The following POU2F1 variants were observed in gnomAD, a reference collection of about 807,000 sequenced individuals.
POU2F1 encodes POU class 2 homeobox 1, also known as POU domain, class 2, transcription factor 1.
Under a neutral mutation model 84.9 loss-of-function variants are expected in POU2F1, and 16 were observed. That is an observed-to-expected ratio of 0.19 (90% CI 0.13 to 0.29). POU2F1 has a LOEUF of 0.29. Among genes scored for constraint, POU2F1 ranks in the 10% least tolerant of loss-of-function variants. The pLI is 1.00. For synonymous variants in POU2F1, 368 were observed against 368.3 expected, an observed-to-expected ratio of 1.00 and a Z score of 0.01; for missense variants, 738 against 942.6, an observed-to-expected ratio of 0.78 and a Z score of 2.84.
At chr1:167,351,949 G>C (rs1220893884) in intron 2 of POU2F1, among the ~76,000 whole-genome samples, 1 of 152,162 alleles carries the variant, frequency 6.6e-6, no homozygotes, top group African/African-American at 2.4e-5. Flanking sequence ...AACAGGAATA[G>C]GATAAAGGAG....
At chr1:167,376,930 T>C (rs1660365740) in intron 7 of POU2F1, among the ~76,000 whole-genome samples, 1 of 152,216 alleles carries the variant, frequency 6.6e-6, no homozygotes, top group Admixed American at 6.5e-5. Flanking sequence ...TATGTTAGAT[T>C]TGATATGCAC....
At chr1:167,240,832 C>T (rs1422250442) in intron 1 of POU2F1, among the ~76,000 whole-genome samples, 1 of 152,106 alleles carries the variant, frequency 6.6e-6, no homozygotes, top group African/African-American at 2.4e-5. Context: ...TTTGGGGACA[C>T]CTTGTTCTGT....
chr1:167,237,186 CAGT>C (rs1039022764), intron 1 of POU2F1, among the ~76,000 whole-genome samples: 1 of 152,126 alleles, frequency 6.6e-6, no homozygotes, highest in Non-Finnish European at 1.5e-5. Flanking sequence ...TAAAGTCTGT[CAGT>C]GGTGAGAAAA....
chr1:167,311,771 C>CATTTATTTATTTATTTATTT (rs3059735), intron 1 of POU2F1, among the ~76,000 whole-genome samples: 8 of 144,636 alleles, frequency 5.5e-5, no homozygotes, highest in African/African-American at 1.3e-4. Flanking sequence ...TACAAAAAAT[C>CATTTATTTATTTATTTATTT]ATTTATTTAT....
intron 1 of POU2F1, among the ~76,000 whole-genome samples, chr1:167,310,259 A>G (rs1410116867): frequency 6.6e-6 from 1 of 152,126 alleles, no homozygotes; most frequent in East Asian, 1.9e-4. Context: ...GGAGATCCAC[A>G]ACAAAGAACA....
intron 3 of POU2F1, among the ~76,000 whole-genome samples, chr1:167,369,876 A>T (rs1455595430): frequency 6.6e-6 from 1 of 152,232 alleles, no homozygotes; most frequent in South Asian, 2.1e-4. Context: ...AATGTTATGT[A>T]AGGAGCATTC....
At chr1:167,262,877 G>A (rs928423185) in intron 1 of POU2F1, among the ~76,000 whole-genome samples, 2 of 152,168 alleles carry the variant, frequency 1.3e-5, no homozygotes, top group Non-Finnish European at 2.9e-5. Context: ...AGCAAAAGTA[G>A]TTCAATTTGG....
At chr1:167,240,343 A>G (rs1275921636) in intron 1 of POU2F1, among the ~76,000 whole-genome samples, 1 of 152,230 alleles carries the variant, frequency 6.6e-6, no homozygotes, top group Non-Finnish European at 1.5e-5. Context: ...AAGAATTACA[A>G]AATGTATGCT....
At chr1:167,270,377 G>GT (rs1278446954) in intron 1 of POU2F1, among the ~76,000 whole-genome samples, 1 of 151,868 alleles carries the variant, frequency 6.6e-6, no homozygotes, top group African/African-American at 2.4e-5. Flanking sequence ...TCCTTGTTTT[G>GT]TTTTTTTGGG....
At chr1:167,290,637 A>C (rs752718261) in intron 1 of POU2F1, among the ~76,000 whole-genome samples, 1 of 152,224 alleles carries the variant, frequency 6.6e-6, no homozygotes, top group South Asian at 2.1e-4. Context: ...TAATCTCTCA[A>C]AATTGTTTGT....
chr1:167,282,269 G>A (rs1200762734), intron 1 of POU2F1, among the ~76,000 whole-genome samples: 3 of 145,892 alleles, frequency 2.1e-5, no homozygotes, highest in East Asian at 2.0e-4. Context: ...TCAGCCTCCC[G>A]AATAGCTGGG....
chr1:167,418,197 T>G lies in POU2F1; in HGVS notation c.*2387T>G, dbSNP rs373918747. On this transcript the variant is annotated 3_prime_UTR_variant, in exon 16 of 16. Transcript: ENST00000367866. ...CTGACAATTTCTTTTTCATTTGTCT[T>G]TATTAATTTTATATGAAAGTTGCTG... 2 of 152,354 alleles carry G rather than the reference T, an allele frequency of 1.3e-5. No homozygotes were observed. Among genetic ancestry groups the G allele is most frequent in the South Asian group, 2.1e-4 (1 of 4,828 alleles). 9.4% of individuals were successfully genotyped at this position (152,354 alleles called of 1,614,324 possible). A position where few individuals can be genotyped will look rare whatever the true frequency, so the allele number is the denominator to read the frequency against.
At position 167,370,211 on chromosome 1, in the gene POU2F1, A is replaced by G. The variant is rs41270710; in HGVS notation, c.279A>G (p.Val93=). The part of the protein sequence containing the change: ...SLQAAAQSLN[V]QSKSNEESGD... ...AGGCTGCTGCTCAGTCTTTAAATGT[A>G]CAGGTAAGCTGGGACCTGGGATTAT... Residue 93 remains valine (V), a synonymous_variant, in exon 4 of 16, where the codon GTA becomes GTG. Coordinates refer to ENST00000367866, the MANE Select transcript of POU2F1 (RefSeq NM_002697.4). 5.4e-3 allele frequency: 8,614 copies of G among 1,601,502 alleles called. 24 individuals are homozygous for G. Among genetic ancestry groups the G allele is most frequent in the Non-Finnish European group, 6.5e-3 (7,611 of 1,171,616 alleles).
intron 11 of POU2F1, 91 bp downstream of exon 11, chr1:167,398,224 A>G: frequency 1.4e-6 from 2 of 1,430,782 alleles, no homozygotes; most frequent in Non-Finnish European, 1.9e-6. Flanking sequence ...GTAAAAGATG[A>G]CATGTCAGCC....
At chr1:167,374,570 G>T (rs1660205217) in intron 6 of POU2F1, among the ~76,000 whole-genome samples, 1 of 152,138 alleles carries the variant, frequency 6.6e-6, no homozygotes, top group Admixed American at 6.5e-5. Flanking sequence ...GCATATTTTT[G>T]AAGCAGGGGA....
chr1:167,300,715 G>C (rs779130368), intron 1 of POU2F1, among the ~76,000 whole-genome samples: 2 of 151,870 alleles, frequency 1.3e-5, no homozygotes, highest in Non-Finnish European at 2.9e-5. Context: ...CGCCCACCTC[G>C]GCCTCCCAAA....
intron 1 of POU2F1, among the ~76,000 whole-genome samples, chr1:167,229,502 G>A (rs1039659449): frequency 3.9e-5 from 6 of 152,198 alleles, no homozygotes; most frequent in African/African-American, 1.4e-4. Flanking sequence ...TGTGGACTGA[G>A]TATTGAATCT....
At chr1:167,221,122 A>G (rs1571102765) in intron 1 of POU2F1, among the ~76,000 whole-genome samples, 164 bp downstream of exon 1, 1 of 148,774 alleles carries the variant, frequency 6.7e-6, no homozygotes, top group East Asian at 2.0e-4. Context: ...CGCTGAGCGG[A>G]GGGGGAAAGA....
At chr1:167,311,986 C>T (rs2102603375) in intron 1 of POU2F1, among the ~76,000 whole-genome samples, 1 of 151,668 alleles carries the variant, frequency 6.6e-6, no homozygotes, top group Non-Finnish European at 1.5e-5. Flanking sequence ...ACTCTGTTTC[C>T]CAGGCTGGCG....
Sources: gnomAD v4.1 joint callset for allele counts (sites outside exome capture counted in the v4.1 genomes callset) on GRCh38, gnomAD v4.1.1 for gene constraint, MANE v1.5 for transcripts, NCBI Gene and HGNC (gene_info 2026-07-23, HGNC 2026-07-21) for gene names.